CNTN5: variants seen among roughly 807,000 people sequenced by gnomAD.
The protein encoded by CNTN5 is contactin-5.
Under a neutral mutation model 129.1 loss-of-function variants are expected in CNTN5, and 77 were observed. The ratio of observed to expected loss-of-function variants is 0.60; its 90% CI spans 0.50 to 0.72. CNTN5 has a LOEUF of 0.72. Ranked by LOEUF, CNTN5 falls within the 30% of genes least tolerant of loss-of-function variation. The pLI is 0.00. For missense variants in CNTN5, 1,478 were observed against 1,328.8 expected, an observed-to-expected ratio of 1.11 and a Z score of -1.75; for synonymous variants, 509 against 465.6, an observed-to-expected ratio of 1.09 and a Z score of -1.20.
chr11:99,720,243 C>T (rs968529684), intron 3 of CNTN5, among the ~76,000 whole-genome samples: 3 of 152,098 alleles, frequency 2.0e-5, no homozygotes, highest in Admixed American at 2.0e-4. Flanking sequence ...GACTTCAGGC[C>T]AATATCCTTG....
chr11:99,392,315 A>G (rs2136190406), intron 2 of CNTN5, among the ~76,000 whole-genome samples: 1 of 151,992 alleles, frequency 6.6e-6, no homozygotes, highest in Admixed American at 6.6e-5. Flanking sequence ...TGAATGGAAG[A>G]GGACAATAGC....
intron 1 of CNTN5, among the ~76,000 whole-genome samples, chr11:99,278,489 A>G (rs1223741362): frequency 6.6e-6 from 1 of 151,740 alleles, no homozygotes; most frequent in Non-Finnish European, 1.5e-5. Context: ...AATTTTTTGT[A>G]CTTGAGATTA....
chr11:99,767,264 A>G (rs1944786245), intron 3 of CNTN5, among the ~76,000 whole-genome samples: 1 of 152,124 alleles, frequency 6.6e-6, no homozygotes, highest in African/African-American at 2.4e-5. Flanking sequence ...AATCACTTGT[A>G]AAACTAATGC....
chr11:99,134,331 G>A (rs1386247151), intron 1 of CNTN5, among the ~76,000 whole-genome samples: 2 of 152,066 alleles, frequency 1.3e-5, no homozygotes, highest in African/African-American at 4.8e-5. Flanking sequence ...GGGTTGACAG[G>A]TGCAGCAAAC....
chr11:99,987,838 A>G (rs1306824814), intron 8 of CNTN5, among the ~76,000 whole-genome samples: 2 of 152,172 alleles, frequency 1.3e-5, no homozygotes, highest in Non-Finnish European at 2.9e-5. Context: ...AGGGGGTTAC[A>G]TAATTTTTAA....
At chr11:99,029,773 T>G (rs1863274547) in intron 1 of CNTN5, among the ~76,000 whole-genome samples, 1 of 152,156 alleles carries the variant, frequency 6.6e-6, no homozygotes, top group Non-Finnish European at 1.5e-5. Flanking sequence ...TATCTCAAGA[T>G]TAGATGATAT....
At chr11:99,625,768 A>G (rs555540649) in intron 3 of CNTN5, among the ~76,000 whole-genome samples, 206 of 91,276 alleles carry the variant, frequency 2.3e-3, no homozygotes, top group Non-Finnish European at 2.2e-3. Flanking sequence ...ATCATATTCA[A>G]TTAAAAAGAT....
intron 13 of CNTN5, among the ~76,000 whole-genome samples, chr11:100,094,116 T>A (rs1944899672): frequency 6.6e-6 from 1 of 152,048 alleles, no homozygotes; most frequent in Non-Finnish European, 1.5e-5. Context: ...GTTAAAAAAA[T>A]TAAAAATTAA....
At chr11:99,562,861 G>A (rs1948886379) in intron 3 of CNTN5, among the ~76,000 whole-genome samples, 1 of 152,102 alleles carries the variant, frequency 6.6e-6, no homozygotes, top group Non-Finnish European at 1.5e-5. Context: ...TACATGTTGA[G>A]CTTTAGATGT....
intron 4 of CNTN5, among the ~76,000 whole-genome samples, chr11:99,822,259 A>T (rs1206625325): frequency 6.6e-6 from 1 of 152,176 alleles, no homozygotes; most frequent in Non-Finnish European, 1.5e-5. Flanking sequence ...CTACTTCCGG[A>T]TATACAACTT....
chr11:99,490,151 C>T (rs565046061), intron 2 of CNTN5, among the ~76,000 whole-genome samples: 1 of 152,176 alleles, frequency 6.6e-6, no homozygotes, highest in South Asian at 2.1e-4. Flanking sequence ...TTATACCTTA[C>T]AAATAATAAT....
intron 3 of CNTN5, among the ~76,000 whole-genome samples, chr11:99,815,262 C>T (rs572092894): frequency 6.6e-6 from 1 of 152,244 alleles, no homozygotes; most frequent in Admixed American, 6.5e-5. Context: ...TTAATTTAGT[C>T]TCACAAAGTT....
At chr11:99,497,213 A>G (rs554425137) in intron 2 of CNTN5, among the ~76,000 whole-genome samples, 1 of 152,344 alleles carries the variant, frequency 6.6e-6, no homozygotes, top group Admixed American at 6.5e-5. Context: ...TATTAACTTA[A>G]TGCTGGTCTG....
chr11:99,797,233 T>G (rs1945972779), intron 3 of CNTN5, among the ~76,000 whole-genome samples: 1 of 152,206 alleles, frequency 6.6e-6, no homozygotes, highest in Non-Finnish European at 1.5e-5. Context: ...GCGTAATTTT[T>G]GTAAAATGAT....
chr11:99,540,772 T>G (rs1228372808), intron 2 of CNTN5, among the ~76,000 whole-genome samples: 1 of 152,022 alleles, frequency 6.6e-6, no homozygotes, highest in East Asian at 2.0e-4. Context: ...TATCTGCCTA[T>G]CACAGAAATT....
chr11:99,916,992 G>A (rs1275612055), intron 7 of CNTN5, among the ~76,000 whole-genome samples: 4 of 151,902 alleles, frequency 2.6e-5, no homozygotes, highest in Non-Finnish European at 5.9e-5. Flanking sequence ...TTTGTTTCTA[G>A]GTTATATTAT....
At chr11:99,458,736 A>G (rs1413903209) in intron 2 of CNTN5, among the ~76,000 whole-genome samples, 1 of 152,052 alleles carries the variant, frequency 6.6e-6, no homozygotes, top group Non-Finnish European at 1.5e-5. Context: ...GCCTTGGTAT[A>G]GTGAGTCATT....
chr11:99,125,248 G>T (rs1315003569), intron 1 of CNTN5, among the ~76,000 whole-genome samples: 2 of 151,952 alleles, frequency 1.3e-5, no homozygotes, highest in African/African-American at 4.8e-5. Flanking sequence ...ACATTAGAAA[G>T]CTAATGCATC....
intron 3 of CNTN5, among the ~76,000 whole-genome samples, chr11:99,659,518 A>G (rs189002470): frequency 6.8e-4 from 103 of 152,304 alleles, no homozygotes; most frequent in African/African-American, 2.3e-3. Context: ...GTATATGTAT[A>G]TAGACAGATT....
Sources: gnomAD v4.1 joint callset for allele counts (sites outside exome capture counted in the v4.1 genomes callset) on GRCh38, gnomAD v4.1.1 for gene constraint, MANE v1.5 for transcripts, NCBI Gene and HGNC (gene_info 2026-07-23, HGNC 2026-07-21) for gene names.